The following TRPM8 variants were observed in gnomAD, a reference collection of about 807,000 sequenced individuals.
TRPM8 encodes transient receptor potential cation channel subfamily M member 8.
A neutral mutation model predicts 133.7 loss-of-function variants in TRPM8; 110 were observed. The ratio of observed to expected loss-of-function variants is 0.82; its 90% CI spans 0.70 to 0.96. The LOEUF is 0.96. TRPM8 is among the 40% of genes least tolerant of loss of function. The probability of loss-of-function intolerance (pLI) is 0.00; values close to 1 mark genes in which losing one functional copy is unlikely to be tolerated. For synonymous variants in TRPM8, 535 were observed against 532.3 expected (o/e 1.01, Z -0.07); for missense variants, 1,291 against 1,379.5 (o/e 0.94, Z 1.02).
chr2:233,988,090 C>A (rs1278007799), intron 21 of TRPM8, among the ~76,000 whole-genome samples: 1 of 151,986 alleles, frequency 6.6e-6, no homozygotes, highest in East Asian at 1.9e-4. Context: ...CAATATTTCC[C>A]TACAGCATTC....
intron 20 of TRPM8, 38 bp downstream of exon 20, chr2:233,983,262 G>C: frequency 6.2e-7 from 1 of 1,613,232 alleles, no homozygotes; most frequent in Non-Finnish European, 8.5e-7. Context: ...CAGCTTGGAG[G>C]AGGCATTTGC....
intron 21 of TRPM8, among the ~76,000 whole-genome samples, chr2:233,990,698 T>G (rs554262708): frequency 1.3e-5 from 2 of 152,346 alleles, no homozygotes; most frequent in African/African-American, 4.8e-5. Flanking sequence ...TAGGGTGTTC[T>G]AACCACGAGC....
At chr2:233,919,868 A>T (rs967590866) in intron 1 of TRPM8, among the ~76,000 whole-genome samples, 2 of 152,206 alleles carry the variant, frequency 1.3e-5, no homozygotes, top group African/African-American at 4.8e-5. Context: ...CAAAATTAAC[A>T]TGATATTGCC....
At chr2:233,998,432 C>T (rs1692463293) in intron 22 of TRPM8, among the ~76,000 whole-genome samples, 1 of 152,202 alleles carries the variant, frequency 6.6e-6, no homozygotes, top group African/African-American at 2.4e-5. Context: ...CAGGACTTCC[C>T]CATCTTAGTA....
In TRPM8 at chr2:233,971,336, CT is replaced by C. The variant is rs745743879; in HGVS notation, c.2355+917del. On this transcript the variant is annotated intron_variant, in intron 17 of 25. Transcript: ENST00000324695. Reference sequence around the variant, plus strand: ...AAAGTTTCATGCCAACTCTGACAGACTTTTTTTAGTGACTTCTAGCCGTCCT... The same window carrying C: ...AAAGTTTCATGCCAACTCTGACAGACTTTTTTAGTGACTTCTAGCCGTCCT... 4.6e-5 allele frequency among the ~76,000 whole-genome samples: 7 copies of C among 152,166 alleles called. No homozygotes were observed. In the East Asian group the frequency reaches 1.4e-3, roughly 29 times the overall value.
Position 233,970,201 on chromosome 2 carries a change from T to C in TRPM8, c.2139-9T>C. 6.2e-7 allele frequency: 1 copy of C among 1,613,860 alleles called. No homozygotes were observed. The highest frequency in any genetic ancestry group is 8.5e-7 in the Non-Finnish European group (1 of 1,179,748). The stretch of plus-strand genomic sequence containing the variant: ...AGGATGCTGACGATGCCCTTATCTC[T>C]GGGTCCAGGAAGAAACCTGTCGACA... On this transcript the variant is annotated splice_polypyrimidine_tract_variant and intron_variant, in intron 16 of 25. Coordinates refer to ENST00000324695, the MANE Select transcript of TRPM8 (RefSeq NM_024080.5).
At chr2:234,008,178 G>A in intron 24 of TRPM8, 75 bp downstream of exon 24, 3 of 1,407,768 alleles carry the variant, frequency 2.1e-6, no homozygotes, top group Non-Finnish European at 1.9e-6. Context: ...CTAGAGGCCA[G>A]TAGTTGTGAT....
intron 1 of TRPM8, among the ~76,000 whole-genome samples, chr2:233,919,550 G>T (rs1252741195): frequency 6.6e-6 from 1 of 151,956 alleles, no homozygotes; most frequent in East Asian, 2.0e-4. Flanking sequence ...GCCTTGGTTT[G>T]TCATCCATCT....
At chr2:233,997,434 C>T (rs938829093) in intron 22 of TRPM8, among the ~76,000 whole-genome samples, 34 of 152,188 alleles carry the variant, frequency 2.2e-4, no homozygotes, top group African/African-American at 7.0e-4. Context: ...TGCTCCCATT[C>T]ACCAGCTGTG....
rs190314369 is a variant in TRPM8, at chr2:233,958,156, C to T, written c.1363-2620C>T. 1.5e-4 allele frequency among the ~76,000 whole-genome samples: 23 copies of T among 152,278 alleles called. No individual in the cohort carries two copies. The East Asian group carries it at 3.7e-3, about 24-fold the overall frequency. On this transcript the variant is annotated intron_variant, in intron 11 of 25. Coordinates refer to ENST00000324695, the MANE Select transcript of TRPM8 (RefSeq NM_024080.5). Reference sequence around the variant, plus strand: ...TGTGGTTATTAAATCAGGGCTCCATCGGTATCATGGCAGGGGGAGTTGCTG... The same window carrying T: ...TGTGGTTATTAAATCAGGGCTCCATTGGTATCATGGCAGGGGGAGTTGCTG...
chr2:233,970,549 C>A (rs1165287061), intron 17 of TRPM8, 123 bp downstream of exon 17: 1 of 921,324 alleles, frequency 1.1e-6, no homozygotes, highest in East Asian at 2.4e-5. Context: ...AATAAATGTT[C>A]TCTTTGGGTG....
chr2:234,010,084 AT>A (rs1559552632), intron 24 of TRPM8, among the ~76,000 whole-genome samples: 1 of 152,136 alleles, frequency 6.6e-6, no homozygotes, highest in Non-Finnish European at 1.5e-5. Context: ...TCTAGAATTT[AT>A]TTATCTTGCA....
At chr2:233,931,466 TTGAACAGGGTCAA>T (rs1691678352) in intron 3 of TRPM8, among the ~76,000 whole-genome samples, 1 of 152,236 alleles carries the variant, frequency 6.6e-6, no homozygotes, top group African/African-American at 2.4e-5. Flanking sequence ...AGACTCTCTG[TTGAACAGGGTCAA>T]TGAACAGAGG....
chr2:234,011,092 G>T (rs557471028), intron 24 of TRPM8, among the ~76,000 whole-genome samples: 2 of 152,292 alleles, frequency 1.3e-5, no homozygotes, highest in East Asian at 3.9e-4. Flanking sequence ...TCTTCTGGGA[G>T]TTTTACAGTT....
intron 21 of TRPM8, among the ~76,000 whole-genome samples, chr2:233,993,352 G>A (rs1692328772): frequency 6.6e-6 from 1 of 152,194 alleles, no homozygotes; most frequent in East Asian, 1.9e-4. Flanking sequence ...TGACCTATGA[G>A]GCAGAGCTCT....
intron 24 of TRPM8, among the ~76,000 whole-genome samples, chr2:234,008,707 T>C (rs1692758494): frequency 6.6e-6 from 1 of 152,184 alleles, no homozygotes; most frequent in Non-Finnish European, 1.5e-5. Flanking sequence ...ATGACATTCA[T>C]AGACCTCCCA....
intron 13 of TRPM8, among the ~76,000 whole-genome samples, chr2:233,963,685 C>T (rs928057449): frequency 6.6e-6 from 1 of 152,134 alleles, no homozygotes; most frequent in East Asian, 1.9e-4. Context: ...CCAGCTTTAT[C>T]GCATTATGGA....
At position 233,965,056 on chromosome 2, in the gene TRPM8, G is replaced by C. The variant is rs893810115; in HGVS notation, c.1879+299G>C. ...AGCACTGGACTACTTTTTTTTGTGG[G>C]GGGGGGGGGTGTTTCTGGATGCCGT... On this transcript the variant is annotated intron_variant, in intron 14 of 25. Transcript: ENST00000324695. 1.6e-4 allele frequency among the ~76,000 whole-genome samples: 12 copies of C among 76,986 alleles called. No individual in the cohort carries two copies. The East Asian group carries it at 4.2e-3, about 27-fold the overall frequency. 50.5% of individuals were successfully genotyped at this position (76,986 alleles called of 152,430 possible).
At chr2:233,956,791 C>T (rs544962336) in intron 11 of TRPM8, among the ~76,000 whole-genome samples, 2 of 152,260 alleles carry the variant, frequency 1.3e-5, no homozygotes, top group African/African-American at 4.8e-5. Flanking sequence ...GTGGTGTTTG[C>T]AGCACAATGA....
Sources: allele counts gnomAD v4.1 joint callset (sites outside exome capture counted in the v4.1 genomes callset), GRCh38; gene constraint gnomAD v4.1.1; transcripts MANE v1.5; gene names NCBI Gene and HGNC (gene_info 2026-07-23, HGNC 2026-07-21).